Variants in ZBTB41 observed in about 807,000 individuals in gnomAD.
ZBTB41 encodes zinc finger and BTB domain-containing protein 41.
In ZBTB41, 42 loss-of-function variants were observed where a neutral mutation model predicts 87.6. The observed-to-expected ratio is 0.48, with a 90% CI of 0.37 to 0.62. The LOEUF (loss-of-function observed/expected upper bound fraction) is 0.62, where lower values mean the gene tolerates loss of function less well. Ranked by LOEUF, ZBTB41 falls within the 20% of genes least tolerant of loss-of-function variation. The pLI is 0.00. For synonymous variants in ZBTB41, 364 were observed against 364.0 expected (o/e 1.00, Z 0.00); for missense variants, 799 against 1,078.9 (o/e 0.74, Z 3.63).
chr1:197,164,833 AATATATTAT>A (rs1221193407), intron 10 of ZBTB41, among the ~76,000 whole-genome samples: 1 of 119,542 alleles, frequency 8.4e-6, no homozygotes, highest in African/African-American at 3.5e-5. Flanking sequence ...ATACATATCT[AATATATTAT>A]ATATATTATA....
chr1:197,199,890 G>A lies in ZBTB41; in HGVS notation c.584C>T (p.Thr195Ile). 1 of 1,610,248 alleles carries A rather than the reference G, an allele frequency of 6.2e-7. No individual in the cohort carries two copies. Among genetic ancestry groups the A allele is most frequent in the Non-Finnish European group, 8.5e-7 (1 of 1,178,590 alleles). Residue 195 changes from threonine to isoleucine, a missense_variant, in exon 2 of 11, where the codon ACA (threonine) becomes ATA (isoleucine). Physicochemically the swap from Thr to Ile is moderately conservative, Grantham distance 89 (BLOSUM62 -1). Around this residue, in one of 5 missense-constraint regions of ZBTB41, gnomAD observed 294 missense variants for 340.1 expected, o/e 0.86. Transcript: ENST00000367405. ...TAGTCTTCCAGTTAATTCATTTAGT[G>A]TTTCTTCTGGTGATGACTTTTCAGT... The part of the protein sequence containing the change: ...ELTEKSSPEE[T>I]LNELTGRLSN...
At chr1:197,172,016 A>G (rs1287798556) in intron 10 of ZBTB41, 144 bp downstream of exon 10, 1 of 326,328 alleles carries the variant, frequency 3.1e-6, no homozygotes, top group East Asian at 4.9e-5. Flanking sequence ...GAACTTCAAT[A>G]TAATAAGTAA....
Position 197,159,661 on chromosome 1 carries a change from C to G in ZBTB41, c.2428G>C (p.Val810Leu). Residue 810 changes from valine (V) to leucine (L), a missense_variant, in exon 11 of 11, where the codon GTA (valine) becomes CTA (leucine). By Grantham distance (32) the Val-to-Leu change is conservative. This residue lies in a region of ZBTB41 where 171 missense variants were observed against 191.9 expected (regional missense o/e 0.89). Coordinates refer to ENST00000367405, the MANE Select transcript of ZBTB41 (RefSeq NM_194314.3). Reference protein sequence around the residue: ...QNVSAEVCVPVTLVPVQMPDT... With the variant: ...QNVSAEVCVPLTLVPVQMPDT... ...GGCATCTGAACTGGAACCAGAGTTA[C>G]TGGAACACATACTTCAGCAGATACA... 1.2e-6 allele frequency: 2 copies of G among 1,613,994 alleles called. No homozygotes were observed. Among genetic ancestry groups the G allele is most frequent in the South Asian group, 1.1e-5 (1 of 91,082 alleles).
intron 5 of ZBTB41, among the ~76,000 whole-genome samples, chr1:197,181,929 TC>T (rs1257449477): frequency 1.3e-5 from 2 of 152,164 alleles, no homozygotes; most frequent in African/African-American, 4.8e-5. Context: ...TAATGGATTC[TC>T]ATTTAAAACC....
At chr1:197,185,681 C>A (rs573898823) in intron 5 of ZBTB41, among the ~76,000 whole-genome samples, 1 of 152,036 alleles carries the variant, frequency 6.6e-6, no homozygotes, top group African/African-American at 2.4e-5. Flanking sequence ...TACAGTACTC[C>A]TTTCAATTTA....
At position 197,154,860 on chromosome 1, in the gene ZBTB41, T is replaced by C. The variant is rs1659029342; in HGVS notation, c.*4499A>G. 6.6e-6 allele frequency: 1 copy of C among 152,542 alleles called. No individual in the cohort carries two copies. The highest frequency in any genetic ancestry group is 2.1e-4 in the South Asian group (1 of 4,836). The allele number at this position is 152,542 out of a possible 1,614,324, so 9.4% of individuals were successfully genotyped here. ...CTACTTAAAGTTTTAGAAATGCTAC[T>C]TGTAGAATACATTTCTAGGCATTTT... On this transcript the variant is annotated 3_prime_UTR_variant, in exon 11 of 11. Coordinates refer to ENST00000367405, the MANE Select transcript of ZBTB41 (RefSeq NM_194314.3).
intron 2 of ZBTB41, among the ~76,000 whole-genome samples, chr1:197,198,825 CTCTA>C (rs1248402992): frequency 6.6e-6 from 1 of 152,126 alleles, no homozygotes; most frequent in Admixed American, 6.6e-5. Context: ...TACCTAAAGT[CTCTA>C]TCTACAGTAT....
chr1:197,165,766 G>C (rs764933504), intron 10 of ZBTB41, among the ~76,000 whole-genome samples: 18 of 151,976 alleles, frequency 1.2e-4, no homozygotes, highest in Non-Finnish European at 2.1e-4. Flanking sequence ...GCAGGGAAAG[G>C]CAAATTAAAA....
At chr1:197,165,394 G>T (rs1396054230) in intron 10 of ZBTB41, among the ~76,000 whole-genome samples, 1 of 152,014 alleles carries the variant, frequency 6.6e-6, no homozygotes, top group East Asian at 1.9e-4. Flanking sequence ...CGGATCACGA[G>T]GTCAGGAGAT....
chr1:197,171,677 T>C (rs1401852407), intron 10 of ZBTB41, among the ~76,000 whole-genome samples: 1 of 151,944 alleles, frequency 6.6e-6, no homozygotes, highest in Admixed American at 6.6e-5. Flanking sequence ...CCTTTTACTA[T>C]AACTACCTAT....
At chr1:197,181,896 A>G (rs1409079349) in intron 5 of ZBTB41, among the ~76,000 whole-genome samples, 1 of 152,180 alleles carries the variant, frequency 6.6e-6, no homozygotes, top group East Asian at 1.9e-4. Context: ...TGACCTCAAA[A>G]TGTACATTGT....
At chr1:197,166,398 T>A (rs1379014535) in intron 10 of ZBTB41, among the ~76,000 whole-genome samples, 2 of 152,128 alleles carry the variant, frequency 1.3e-5, no homozygotes, top group Admixed American at 6.5e-5. Context: ...GACACTATCA[T>A]CACTAAAAAG....
At chr1:197,194,542 A>G (rs1660113928) in intron 2 of ZBTB41, among the ~76,000 whole-genome samples, 1 of 151,642 alleles carries the variant, frequency 6.6e-6, no homozygotes. Flanking sequence ...AATGGCAGTT[A>G]TATTAAAAAT....
chr1:197,177,805 C>T (rs1659649467), intron 7 of ZBTB41, among the ~76,000 whole-genome samples: 1 of 151,856 alleles, frequency 6.6e-6, no homozygotes, highest in Non-Finnish European at 1.5e-5. Flanking sequence ...TAGACTACCT[C>T]TAAAGGGGAA....
chr1:197,191,747 G>T lies in ZBTB41; in HGVS notation c.1273C>A (p.Pro425Thr). The T allele has an allele frequency of 6.2e-7, 1 of 1,613,506 alleles. No individual in the cohort carries two copies. The highest frequency in any genetic ancestry group is 8.5e-7 in the Non-Finnish European group (1 of 1,179,820). ...CTTGCATGAAGTTTATTACAATAAG[G>T]GCACTTGTGCTCCTTCTTATGAAAT... is the stretch of plus-strand genomic sequence containing the variant. ...TEFHKKEHKC[P>T]YCNKLHASKK... is the part of the protein sequence containing the mutation. Residue 425 changes from proline (P) to threonine (T), a missense_variant, in exon 3 of 11, where the codon CCT (proline) becomes ACT (threonine). By Grantham distance (38) the Pro-to-Thr change is conservative. This residue lies in a region of ZBTB41 where 294 missense variants were observed against 340.1 expected (regional missense o/e 0.86). Transcript: ENST00000367405.
Position 197,172,222 on chromosome 1 carries a change from T to A in ZBTB41, c.2012A>T (p.Asp671Val). ...QKYKATFHQC[D>V]VCKKIFKGKS... ...GCCTTTAAAAATTTTCTTACAAACA[T>A]CACATTGATGAAATGTTGCTTTATA... Residue 671 changes from aspartate (D) to valine (V), a missense_variant, in exon 10 of 11, where the codon GAT (aspartate) becomes GTT (valine). Physicochemically the swap from Asp to Val is radical, Grantham distance 152. Transcript: ENST00000367405. 5 of 1,418,102 alleles carry A rather than the reference T, an allele frequency of 3.5e-6. No homozygotes were observed. Among genetic ancestry groups the A allele is most frequent in the East Asian group, 2.6e-5 (1 of 38,180 alleles). 87.8% of individuals were successfully genotyped at this position (1,418,102 alleles called of 1,614,324 possible).
Position 197,156,786 on chromosome 1 carries a change from A to T in ZBTB41, c.*2573T>A, listed in dbSNP as rs1659077773. On this transcript the variant is annotated 3_prime_UTR_variant, in exon 11 of 11. Transcript: ENST00000367405. ...TCCACTGAAACTATTACTTCACCAGAATTATATTACGCATCTCCCAGACTA... is the reference window on the plus strand; with the variant it reads ...TCCACTGAAACTATTACTTCACCAGTATTATATTACGCATCTCCCAGACTA... 6.6e-6 allele frequency: 1 copy of T among 152,134 alleles called. No individual in the cohort carries two copies. Among genetic ancestry groups the T allele is most frequent in the African/African-American group, 2.4e-5 (1 of 41,366 alleles). 9.4% of individuals were successfully genotyped at this position (152,134 alleles called of 1,614,324 possible). A position where few individuals can be genotyped will look rare whatever the true frequency, so the allele number is the denominator to read the frequency against.
At chr1:197,193,838 A>G (rs548544640) in intron 2 of ZBTB41, among the ~76,000 whole-genome samples, 1 of 152,330 alleles carries the variant, frequency 6.6e-6, no homozygotes, top group Admixed American at 6.5e-5. Flanking sequence ...AATTATGTAA[A>G]TAATCATACT....
rs74433074 is a variant in ZBTB41, at chr1:197,171,768, C to T, written c.2074+392G>A. Reference sequence around the variant, plus strand: ...AGACAATGAGGTCATATTTGCATTACTCTTTTAAAAGAGAAGAAAATAAAA... The same window carrying T: ...AGACAATGAGGTCATATTTGCATTATTCTTTTAAAAGAGAAGAAAATAAAA... On this transcript the variant is annotated intron_variant, in intron 10 of 10. Coordinates refer to ENST00000367405, the MANE Select transcript of ZBTB41 (RefSeq NM_194314.3). 3.4e-4 allele frequency among the ~76,000 whole-genome samples: 52 copies of T among 151,878 alleles called. No homozygotes were observed. In the East Asian group the frequency reaches 9.3e-3, roughly 27 times the overall value.
Sources: gnomAD v4.1 joint callset for allele counts (sites outside exome capture counted in the v4.1 genomes callset) on GRCh38, gnomAD v4.1.1 for gene constraint, gnomAD v4.1.1 regional missense constraint, MANE v1.5 for transcripts, NCBI Gene and HGNC (gene_info 2026-07-23, HGNC 2026-07-21) for gene names.